The following EYS variants were observed in gnomAD, a reference collection of about 807,000 sequenced individuals.
EYS encodes the protein protein eyes shut homolog.
Under a neutral mutation model 282.1 loss-of-function variants are expected in EYS, and 250 were observed. The ratio of observed to expected loss-of-function variants is 0.89; its 90% CI spans 0.80 to 0.98. The LOEUF (loss-of-function observed/expected upper bound fraction) is 0.98. Ranked by LOEUF, EYS falls within the 50% of genes least tolerant of loss-of-function variation. The pLI is 0.00. For missense variants in EYS, 4,016 were observed against 3,709.0 expected (o/e 1.08, Z -2.15); for synonymous variants, 1,355 against 1,282.9 (o/e 1.06, Z -1.20).
At chr6:64,846,152 C>A (rs1765707181) in intron 19 of EYS, among the ~76,000 whole-genome samples, 1 of 152,068 alleles carries the variant, frequency 6.6e-6, no homozygotes, top group Non-Finnish European at 1.5e-5. Flanking sequence ...CTGATTAATA[C>A]TGGAAAAGTA....
chr6:64,320,384 C>A (rs1770170736), intron 29 of EYS, among the ~76,000 whole-genome samples: 2 of 151,704 alleles, frequency 1.3e-5, no homozygotes, highest in South Asian at 4.1e-4. Context: ...TTTTCCCCAC[C>A]ATTTTATATC....
chr6:65,192,916 A>G (rs1249069695), intron 12 of EYS, among the ~76,000 whole-genome samples: 4 of 151,784 alleles, frequency 2.6e-5, no homozygotes, highest in Non-Finnish European at 5.9e-5. Flanking sequence ...GTGGGTTGGG[A>G]ACATGTTAAC....
intron 19 of EYS, among the ~76,000 whole-genome samples, chr6:64,858,764 C>T (rs1299109795): frequency 6.6e-6 from 1 of 152,000 alleles, no homozygotes; most frequent in African/African-American, 2.4e-5. Flanking sequence ...CAAAAAACCT[C>T]ATGTTAAAAT....
In EYS at chr6:64,578,621, G is replaced by GTGGTGT. The variant is rs1554182459; in HGVS notation, c.5644+11601_5644+11602insACACCA. Among the ~76,000 whole-genome samples, 379 of 145,410 alleles carry GTGGTGT rather than the reference G, an allele frequency of 2.6e-3. 2 individuals are homozygous for GTGGTGT. The highest frequency in any genetic ancestry group is 3.0e-3 in the Non-Finnish European group (200 of 66,786). ...TTTGTGTGTGTGTGTGTGTGTGTGT[G>GTGGTGT]GTGTGTGTGTGTGTTTTATGCTTAG... On this transcript the variant is annotated intron_variant, in intron 26 of 42. Transcript: ENST00000503581.
chr6:63,998,791 C>CTT (rs60945987), intron 34 of EYS, among the ~76,000 whole-genome samples: 40 of 140,332 alleles, frequency 2.9e-4, no homozygotes, highest in African/African-American at 1.0e-3. Flanking sequence ...CTGGAGCTGT[C>CTT]TTTTTTTTTT....
At chr6:65,181,121 C>A (rs1765370632) in intron 12 of EYS, among the ~76,000 whole-genome samples, 1 of 152,122 alleles carries the variant, frequency 6.6e-6, no homozygotes, top group African/African-American at 2.4e-5. Flanking sequence ...AAAACCTAGG[C>A]AGTACCATTC....
At chr6:64,527,446 C>A (rs893756291) in intron 26 of EYS, among the ~76,000 whole-genome samples, 2 of 151,764 alleles carry the variant, frequency 1.3e-5, no homozygotes, top group Non-Finnish European at 3.0e-5. Flanking sequence ...AGCAGTCCTA[C>A]CAGTAGGATT....
chr6:65,336,151 A>G (rs1158129893), intron 10 of EYS, among the ~76,000 whole-genome samples: 6 of 151,710 alleles, frequency 4.0e-5, no homozygotes, highest in African/African-American at 1.5e-4. Flanking sequence ...TCTTTTCTTT[A>G]TAAATCACCG....
intron 12 of EYS, among the ~76,000 whole-genome samples, chr6:65,286,135 A>T (rs1353276017): frequency 6.6e-6 from 1 of 151,916 alleles, no homozygotes; most frequent in African/African-American, 2.4e-5. Context: ...TGTCATTTTC[A>T]TACTTAGACC....
intron 2 of EYS, among the ~76,000 whole-genome samples, chr6:65,513,884 A>G (rs1386282078): frequency 6.6e-6 from 1 of 152,208 alleles, no homozygotes; most frequent in African/African-American, 2.4e-5. Context: ...CTGGCACAAG[A>G]CAGGGCTGCC....
chr6:65,150,502 C>A (rs1389967815), intron 12 of EYS, among the ~76,000 whole-genome samples: 1 of 151,702 alleles, frequency 6.6e-6, no homozygotes, highest in Admixed American at 6.6e-5. Flanking sequence ...TTATATTAAC[C>A]CCAGAATACC....
At chr6:64,636,082 G>T (rs1045609422) in intron 22 of EYS, among the ~76,000 whole-genome samples, 4 of 152,132 alleles carry the variant, frequency 2.6e-5, no homozygotes, top group Non-Finnish European at 4.4e-5. Flanking sequence ...AGAATTGGAA[G>T]AAATTACTTT....
Position 64,951,502 on chromosome 6 carries a change from C to T in EYS, c.2260-5588G>A, listed in dbSNP as rs988145289. Among the ~76,000 whole-genome samples the T allele has an allele frequency of 7.9e-5, 12 of 151,842 alleles. No homozygotes were observed. In the East Asian group the frequency reaches 1.2e-3, roughly 15 times the overall value. On this transcript the variant is annotated intron_variant, in intron 14 of 42. Coordinates refer to ENST00000503581, the MANE Select transcript of EYS (RefSeq NM_001142800.2). Reference sequence around the variant, plus strand: ...ATTCAATAAAAAAGTTTCTTAAATGCTGATTACCAAATGTCAAGAGACAAA... The same window carrying T: ...ATTCAATAAAAAAGTTTCTTAAATGTTGATTACCAAATGTCAAGAGACAAA...
chr6:65,446,387 C>A (rs1768657605), intron 5 of EYS, among the ~76,000 whole-genome samples: 1 of 151,738 alleles, frequency 6.6e-6, no homozygotes, highest in Non-Finnish European at 1.5e-5. Flanking sequence ...AGAAAACTGT[C>A]AGAACTAAAA....
chr6:64,341,632 T>A (rs1771116349), intron 29 of EYS, among the ~76,000 whole-genome samples: 1 of 151,620 alleles, frequency 6.6e-6, no homozygotes, highest in African/African-American at 2.4e-5. Flanking sequence ...CATGTAACAA[T>A]CCTAATTCTC....
intron 36 of EYS, among the ~76,000 whole-genome samples, chr6:63,863,254 T>G (rs974610263): frequency 1.3e-5 from 2 of 151,830 alleles, no homozygotes; most frequent in African/African-American, 4.8e-5. Flanking sequence ...TTTCTGAAAA[T>G]ATCTACACAC....
intron 1 of EYS, among the ~76,000 whole-genome samples, chr6:65,689,076 T>C (rs1410184471): frequency 6.7e-6 from 1 of 150,294 alleles, no homozygotes; most frequent in Non-Finnish European, 1.5e-5. Context: ...CATGTGCATG[T>C]ATGTTTATTG....
intron 31 of EYS, among the ~76,000 whole-genome samples, chr6:64,128,258 G>A (rs1036400526): frequency 6.6e-6 from 1 of 152,006 alleles, no homozygotes; most frequent in African/African-American, 2.4e-5. Flanking sequence ...CATTGCACTT[G>A]CAATTTTGTG....
intron 8 of EYS, among the ~76,000 whole-genome samples, chr6:65,364,264 T>C (rs1764828508): frequency 6.6e-6 from 1 of 151,128 alleles, no homozygotes; most frequent in Non-Finnish European, 1.5e-5. Context: ...TTTTCAATTT[T>C]TTTTCAATTT....
Sources: allele counts gnomAD v4.1 joint callset (sites outside exome capture counted in the v4.1 genomes callset), GRCh38; gene constraint gnomAD v4.1.1; transcripts MANE v1.5; gene names NCBI Gene and HGNC (gene_info 2026-07-23, HGNC 2026-07-21).